Variants in NEK11 observed in about 807,000 individuals in gnomAD.
NEK11 encodes NIMA related kinase 11, also known as serine/threonine-protein kinase Nek11.
A neutral mutation model predicts 80.7 loss-of-function variants in NEK11; 72 were observed. The ratio of observed to expected loss-of-function variants is 0.89; its 90% CI spans 0.74 to 1.08. The LOEUF is 1.08. Ranked by LOEUF, NEK11 falls within the 50% of genes least tolerant of loss-of-function variation. The pLI is 0.00. For missense variants in NEK11, 764 were observed against 763.6 expected, an observed-to-expected ratio of 1.00 and a Z score of -0.01; for synonymous variants, 251 against 260.7, an observed-to-expected ratio of 0.96 and a Z score of 0.36.
chr3:131,246,350 A>G (rs1314349262), intron 16 of NEK11, among the ~76,000 whole-genome samples: 1 of 151,310 alleles, frequency 6.6e-6, no homozygotes, highest in Admixed American at 6.6e-5. Flanking sequence ...AGAATATAGG[A>G]TGTTTGGTTT....
chr3:131,111,366 T>C (rs1006603979), intron 5 of NEK11, among the ~76,000 whole-genome samples: 1 of 152,294 alleles, frequency 6.6e-6, no homozygotes, highest in Non-Finnish European at 1.5e-5. Flanking sequence ...CAGGTAACAA[T>C]TGATGGTGCT....
intron 14 of NEK11, among the ~76,000 whole-genome samples, chr3:131,206,824 C>G (rs1210089029): frequency 2.0e-5 from 3 of 151,888 alleles, no homozygotes; most frequent in Non-Finnish European, 4.4e-5. Flanking sequence ...CTAATGCTAT[C>G]CCTCCCCCAT....
chr3:131,347,540 T>G (rs1374510542), intron 17 of NEK11, among the ~76,000 whole-genome samples: 1 of 152,156 alleles, frequency 6.6e-6, no homozygotes, highest in Non-Finnish European at 1.5e-5. Context: ...CAATAAAAGC[T>G]TATAAAATGA....
At chr3:131,151,052 A>G (rs2089545689) in intron 7 of NEK11, among the ~76,000 whole-genome samples, 1 of 152,000 alleles carries the variant, frequency 6.6e-6, no homozygotes, top group South Asian at 2.1e-4. Context: ...ATTTACATTG[A>G]TATTGGTATT....
chr3:131,284,347 A>G (rs1022333687), intron 17 of NEK11, among the ~76,000 whole-genome samples: 5 of 152,164 alleles, frequency 3.3e-5, no homozygotes, highest in Admixed American at 6.5e-5. Flanking sequence ...GACATGCCCT[A>G]TGGTAGCTCA....
At chr3:131,152,948 G>C (rs564452607) in intron 9 of NEK11, among the ~76,000 whole-genome samples, 1 of 152,090 alleles carries the variant, frequency 6.6e-6, no homozygotes, top group Admixed American at 6.5e-5. Context: ...TTAGCTGGGC[G>C]TGGTGGTGCG....
chr3:131,069,223 T>C (rs908800670), intron 3 of NEK11, among the ~76,000 whole-genome samples: 1 of 152,110 alleles, frequency 6.6e-6, no homozygotes, highest in Non-Finnish European at 1.5e-5. Context: ...TTATCTTTTC[T>C]CATTTTTACC....
At chr3:131,299,952 A>C (rs2096643130) in intron 17 of NEK11, among the ~76,000 whole-genome samples, 1 of 152,234 alleles carries the variant, frequency 6.6e-6, no homozygotes, top group Admixed American at 6.5e-5. Flanking sequence ...AGAAATTATC[A>C]AGTTGGTTTC....
chr3:131,193,340 A>G (rs1267432250), intron 14 of NEK11, among the ~76,000 whole-genome samples: 2 of 152,152 alleles, frequency 1.3e-5, no homozygotes, highest in East Asian at 3.9e-4. Flanking sequence ...GGCAAATAAC[A>G]TATTGGTATT....
At chr3:131,238,469 G>C (rs2095469783) in intron 15 of NEK11, among the ~76,000 whole-genome samples, 1 of 152,122 alleles carries the variant, frequency 6.6e-6, no homozygotes, top group South Asian at 2.1e-4. Context: ...TAGTGGTACA[G>C]GTAGCCAATT....
At chr3:131,091,185 C>T (rs1312992547) in intron 4 of NEK11, among the ~76,000 whole-genome samples, 2 of 152,186 alleles carry the variant, frequency 1.3e-5, no homozygotes, top group Admixed American at 1.3e-4. Context: ...TTAATTTAAT[C>T]TTTCAGTGTT....
At chr3:131,105,985 T>G (rs1338354677) in intron 4 of NEK11, among the ~76,000 whole-genome samples, 1 of 152,194 alleles carries the variant, frequency 6.6e-6, no homozygotes. Flanking sequence ...ATTGTATACT[T>G]GCATATAAAG....
intron 17 of NEK11, among the ~76,000 whole-genome samples, chr3:131,323,845 C>T (rs188801097): frequency 6.6e-6 from 1 of 152,186 alleles, no homozygotes; most frequent in African/African-American, 2.4e-5. Flanking sequence ...TGTGTGAAGA[C>T]AATTTATTGT....
chr3:131,257,892 T>G (rs2095845021), intron 16 of NEK11, among the ~76,000 whole-genome samples: 3 of 152,024 alleles, frequency 2.0e-5, no homozygotes, highest in African/African-American at 7.2e-5. Context: ...ATAGCAGCGA[T>G]TGCAAAAATA....
intron 12 of NEK11, among the ~76,000 whole-genome samples, chr3:131,167,559 A>G (rs1363348493): frequency 6.6e-6 from 1 of 152,126 alleles, no homozygotes; most frequent in Non-Finnish European, 1.5e-5. Flanking sequence ...ACTATACTCT[A>G]TGAGGTCTTG....
chr3:131,065,948 C>T (rs1037719859), intron 3 of NEK11, among the ~76,000 whole-genome samples: 3 of 152,260 alleles, frequency 2.0e-5, no homozygotes, highest in African/African-American at 7.2e-5. Flanking sequence ...GGAAGTACCA[C>T]CTGAAAAATG....
intron 3 of NEK11, among the ~76,000 whole-genome samples, chr3:131,051,877 TTATAA>T (rs1450340894): frequency 5.3e-5 from 8 of 152,058 alleles, no homozygotes; most frequent in African/African-American, 1.4e-4. Flanking sequence ...ATTTTTGACT[TTATAA>T]TATAATTTTT....
intron 4 of NEK11, 195 bp from the exon 5 acceptor site, chr3:131,109,608 A>G (rs1270343356): frequency 1.9e-6 from 1 of 533,410 alleles, no homozygotes; most frequent in Non-Finnish European, 3.3e-6. Context: ...TTATAGGTTA[A>G]TGTTGAGGCC....
At chr3:131,186,475 C>T (rs984879559) in intron 14 of NEK11, among the ~76,000 whole-genome samples, 4 of 152,072 alleles carry the variant, frequency 2.6e-5, no homozygotes, top group African/African-American at 9.7e-5. Flanking sequence ...CTGTTCATGA[C>T]CTAATTCACG....
Sources: allele counts gnomAD v4.1 joint callset (sites outside exome capture counted in the v4.1 genomes callset), GRCh38; gene constraint gnomAD v4.1.1; transcripts MANE v1.5; gene names NCBI Gene and HGNC (gene_info 2026-07-23, HGNC 2026-07-21).